KIAA1328: variants seen among roughly 807,000 people sequenced by gnomAD.
The protein encoded by KIAA1328 is protein hinderin.
In KIAA1328, 52 loss-of-function variants were observed where a neutral mutation model predicts 68.1. That is an observed-to-expected ratio of 0.76 (90% CI 0.61 to 0.96). The LOEUF is 0.96. Among genes scored for constraint, KIAA1328 ranks in the 40% least tolerant of loss-of-function variants. KIAA1328 has a pLI of 0.00. For missense variants in KIAA1328, 641 were observed against 677.6 expected, an observed-to-expected ratio of 0.95 and a Z score of 0.60; for synonymous variants, 232 against 239.4, an observed-to-expected ratio of 0.97 and a Z score of 0.28.
chr18:36,959,397 C>G lies in KIAA1328; in HGVS notation c.538C>G (p.Leu180Val), dbSNP rs778786038. 1.5e-5 allele frequency: 24 copies of G among 1,609,516 alleles called. No individual in the cohort carries two copies. The highest frequency in any genetic ancestry group is 6.7e-5 in the African/African-American group (5 of 74,790). The part of the protein sequence containing the change: ...SEQQEKLTMS[L>V]SELGAARMQE... ...ACAACAGGAGAAGCTCACCATGTCT[C>G]TCTCAGAACTTGGTGCTGCTAGAAT... Residue 180 changes from leucine to valine, a missense_variant, in exon 6 of 10, where the codon CTC (leucine) becomes GTC (valine). By Grantham distance (32) the Leu-to-Val change is conservative. Coordinates refer to ENST00000280020, the MANE Select transcript of KIAA1328 (RefSeq NM_020776.3).
In KIAA1328 at chr18:37,160,244, C is replaced by T; in HGVS notation, c.1277C>T (p.Ser426Leu). Reference protein sequence around the residue: ...NCDGWLLGTSSSIKKHQDPPN... With the variant: ...NCDGWLLGTSLSIKKHQDPPN... ...GATGGCTGGCTGCTTGGAACATCAT[C>T]ATCTATTAAAAAGCACCAAGACCCC... is the stretch of plus-strand genomic sequence containing the variant. Residue 426 changes from serine to leucine, a missense_variant, in exon 8 of 10, where the codon TCA (serine) becomes TTA (leucine). By Grantham distance (145) the Ser-to-Leu change is moderately radical. Transcript: ENST00000280020. The T allele has an allele frequency of 6.2e-7, 1 of 1,613,286 alleles. No homozygotes were observed. The highest frequency in any genetic ancestry group is 8.5e-7 in the Non-Finnish European group (1 of 1,179,572).
intron 6 of KIAA1328, among the ~76,000 whole-genome samples, chr18:37,013,009 A>G (rs2054027941): frequency 6.6e-6 from 1 of 152,168 alleles, no homozygotes; most frequent in Non-Finnish European, 1.5e-5. Flanking sequence ...GTAATTCTCT[A>G]TATTGTTTAT....
chr18:36,992,614 A>C (rs1319006774), intron 6 of KIAA1328, among the ~76,000 whole-genome samples: 1 of 152,134 alleles, frequency 6.6e-6, no homozygotes, highest in Non-Finnish European at 1.5e-5. Flanking sequence ...AAGCTACTTA[A>C]GAGGAAATCA....
chr18:37,193,395 G>C (rs2059944153), intron 9 of KIAA1328, among the ~76,000 whole-genome samples: 1 of 152,142 alleles, frequency 6.6e-6, no homozygotes, highest in Non-Finnish European at 1.5e-5. Flanking sequence ...AATAAACAAA[G>C]AGTATAGTCT....
chr18:36,833,261 A>G (rs1286028116), intron 1 of KIAA1328: 1 of 152,192 alleles, frequency 6.6e-6, no homozygotes, highest in Non-Finnish European at 1.5e-5. Flanking sequence ...CTATATGGTT[A>G]GGAAGTGAAA....
Position 37,065,168 on chromosome 18 carries a change from G to C in KIAA1328, c.577-1722G>C, listed in dbSNP as rs910390732. Among the ~76,000 whole-genome samples the C allele has an allele frequency of 5.3e-5, 8 of 152,276 alleles. No homozygotes were observed. The East Asian group carries it at 1.5e-3, about 29-fold the overall frequency. On this transcript the variant is annotated intron_variant, in intron 6 of 9. Coordinates refer to ENST00000280020, the MANE Select transcript of KIAA1328 (RefSeq NM_020776.3). ...AAGATTAAGAATTTTTGCTTGTTTG[G>C]TTAATATAAGTGTTCAATACACAGA... is the stretch of plus-strand genomic sequence containing the variant.
At chr18:36,995,011 T>C (rs377052818) in intron 6 of KIAA1328, among the ~76,000 whole-genome samples, 1 of 151,976 alleles carries the variant, frequency 6.6e-6, no homozygotes, top group African/African-American at 2.4e-5. Context: ...GAATGTGCAG[T>C]TTTGTTACAT....
intron 7 of KIAA1328, among the ~76,000 whole-genome samples, chr18:37,086,895 C>G (rs1394776063): frequency 6.6e-6 from 1 of 152,122 alleles, no homozygotes; most frequent in Non-Finnish European, 1.5e-5. Context: ...ACACCTTTTT[C>G]CATTCATGCA....
intron 5 of KIAA1328, among the ~76,000 whole-genome samples, chr18:36,887,225 C>T (rs2048531357): frequency 6.6e-6 from 1 of 151,062 alleles, no homozygotes; most frequent in Non-Finnish European, 1.5e-5. Flanking sequence ...TAAAGGAATG[C>T]TGTTTAGTCA....
intron 7 of KIAA1328, among the ~76,000 whole-genome samples, chr18:37,101,774 C>T (rs866699757): frequency 1.3e-4 from 20 of 152,268 alleles, no homozygotes; most frequent in African/African-American, 3.9e-4. Context: ...AGAGAAAGGT[C>T]GGGTTACCCA....
chr18:36,885,159 A>C (rs2048455500), intron 4 of KIAA1328, among the ~76,000 whole-genome samples: 1 of 152,148 alleles, frequency 6.6e-6, no homozygotes, highest in Non-Finnish European at 1.5e-5. Flanking sequence ...TATTAATAGG[A>C]TTTAAATAAA....
At chr18:36,884,632 C>T (rs2048436829) in intron 4 of KIAA1328, among the ~76,000 whole-genome samples, 1 of 152,162 alleles carries the variant, frequency 6.6e-6, no homozygotes, top group South Asian at 2.1e-4. Flanking sequence ...AATTTAGTAG[C>T]TCAAAGAAAA....
chr18:37,060,693 G>A (rs139779545), intron 6 of KIAA1328, among the ~76,000 whole-genome samples: 3 of 151,994 alleles, frequency 2.0e-5, no homozygotes, highest in Non-Finnish European at 4.4e-5. Flanking sequence ...TGGCAAAAAC[G>A]CAATTACTTT....
intron 8 of KIAA1328, among the ~76,000 whole-genome samples, chr18:37,162,002 A>G (rs919208698): frequency 3.3e-4 from 51 of 152,320 alleles, no homozygotes; most frequent in African/African-American, 1.2e-3. Context: ...AAAAAAATCA[A>G]TTTCTAATTT....
At chr18:37,135,917 C>T (rs998583027) in intron 7 of KIAA1328, among the ~76,000 whole-genome samples, 7 of 152,192 alleles carry the variant, frequency 4.6e-5, no homozygotes, top group Middle Eastern at 3.4e-3. Context: ...GAACTCCTGT[C>T]CCTATTACTC....
intron 9 of KIAA1328, among the ~76,000 whole-genome samples, chr18:37,179,482 T>C (rs2059658612): frequency 6.6e-6 from 1 of 152,122 alleles, no homozygotes. Flanking sequence ...GTTCTGAAAA[T>C]TTTGCTGTAA....
intron 5 of KIAA1328, among the ~76,000 whole-genome samples, chr18:36,955,218 G>A (rs1490787945): frequency 2.0e-5 from 3 of 149,462 alleles, no homozygotes; most frequent in Admixed American, 6.7e-5. Flanking sequence ...TGCAACCTCC[G>A]CTTCCCGGGT....
chr18:36,982,054 A>G (rs1312305482), intron 6 of KIAA1328, among the ~76,000 whole-genome samples: 1 of 147,586 alleles, frequency 6.8e-6, no homozygotes, highest in African/African-American at 2.5e-5. Flanking sequence ...GTTGTTGGAC[A>G]ACTCTAAGTG....
At chr18:36,993,583 G>A (rs1470776550) in intron 6 of KIAA1328, among the ~76,000 whole-genome samples, 1 of 152,082 alleles carries the variant, frequency 6.6e-6, no homozygotes, top group Non-Finnish European at 1.5e-5. Flanking sequence ...CTTATCCAAA[G>A]TTTGAAAGGT....
Sources: gnomAD v4.1 joint callset for allele counts (sites outside exome capture counted in the v4.1 genomes callset) on GRCh38, gnomAD v4.1.1 for gene constraint, MANE v1.5 for transcripts, NCBI Gene and HGNC (gene_info 2026-07-23, HGNC 2026-07-21) for gene names.